The following ELAVL4 variants were observed in gnomAD, a reference collection of about 807,000 sequenced individuals.
ELAVL4 encodes ELAV like RNA binding protein 4, also known as ELAV-like protein 4.
Under a neutral mutation model 35.6 loss-of-function variants are expected in ELAVL4, and 1 was observed. That is an observed-to-expected ratio of 0.03 (90% confidence interval 0.01 to 0.13). ELAVL4 has a LOEUF of 0.13. Among genes scored for constraint, ELAVL4 ranks in the 10% least tolerant of loss-of-function variants. ELAVL4 has a pLI of 1.00. For missense variants in ELAVL4, 267 were observed against 464.9 expected (o/e 0.57, Z 3.91); for synonymous variants, 156 against 171.0 (o/e 0.91, Z 0.69).
At chr1:50,132,314 A>G (rs1404396577) in intron 1 of ELAVL4, among the ~76,000 whole-genome samples, 1 of 152,150 alleles carries the variant, frequency 6.6e-6, no homozygotes, top group Non-Finnish European at 1.5e-5. Context: ...GGGAAAATAA[A>G]TGGCTGTTGT....
At chr1:50,123,842 A>AG (rs1669443503) in intron 1 of ELAVL4, among the ~76,000 whole-genome samples, 2 of 152,090 alleles carry the variant, frequency 1.3e-5, no homozygotes, top group African/African-American at 4.8e-5. Context: ...TCACCCAGAA[A>AG]GGCTTGCCTT....
chr1:50,185,069 G>A (rs1427449686), intron 3 of ELAVL4, among the ~76,000 whole-genome samples: 1 of 152,182 alleles, frequency 6.6e-6, no homozygotes, highest in Non-Finnish European at 1.5e-5. Context: ...CACAGATAGA[G>A]AACATTTTCC....
chr1:50,067,772 C>G, intron 1 of ELAVL4, among the ~76,000 whole-genome samples: 1 of 152,154 alleles, frequency 6.6e-6, no homozygotes, highest in South Asian at 2.1e-4. Context: ...TTAATTGACT[C>G]ACAGTTCCAC....
intron 1 of ELAVL4, among the ~76,000 whole-genome samples, chr1:50,068,150 G>T (rs1664352459): frequency 6.6e-6 from 1 of 152,138 alleles, no homozygotes; most frequent in South Asian, 2.1e-4. Flanking sequence ...AATAAAGCAG[G>T]TTAAGGGGGA....
At chr1:50,170,321 G>T (rs575323109) in intron 2 of ELAVL4, among the ~76,000 whole-genome samples, 1 of 152,144 alleles carries the variant, frequency 6.6e-6, no homozygotes, top group African/African-American at 2.4e-5. Flanking sequence ...GCAGAAAGAC[G>T]CAAAGTAAGA....
chr1:50,107,817 G>A (rs889988134), upstream of ELAVL4, among the ~76,000 whole-genome samples: 5 of 152,144 alleles, frequency 3.3e-5, no homozygotes, highest in African/African-American at 1.2e-4. Flanking sequence ...ACCCAAACCA[G>A]AACAAAAAAT....
chr1:50,200,032 C>T (rs906211649), intron 6 of ELAVL4, among the ~76,000 whole-genome samples: 2 of 152,194 alleles, frequency 1.3e-5, no homozygotes, highest in African/African-American at 4.8e-5. Context: ...GCACAAACCA[C>T]TTGCAGTCTT....
Position 50,195,767 on chromosome 1 carries a change from C to T in ELAVL4, c.715C>T (p.His239Tyr), listed in dbSNP as rs1644017493. Residue 239 changes from histidine to tyrosine, a missense_variant, in exon 5 of 7, where the codon CAC (histidine) becomes TAC (tyrosine). Coordinates refer to ENST00000371824, the MANE Select transcript of ELAVL4 (RefSeq NM_001144774.3). ...CCGGCGCTACCCAGGTCCACTTCAC[C>T]ACCAGGCTCAGAGGTTCAGGTAGGC... is the stretch of plus-strand genomic sequence containing the variant. ...PNRRYPGPLH[H>Y]QAQRFRLDNL... The T allele has an allele frequency of 6.2e-7, 1 of 1,614,048 alleles. No homozygotes were observed. Among genetic ancestry groups the T allele is most frequent in the African/African-American group, 1.3e-5 (1 of 74,948 alleles).
chr1:50,191,316 T>C (rs1258044813), intron 3 of ELAVL4, among the ~76,000 whole-genome samples: 1 of 152,142 alleles, frequency 6.6e-6, no homozygotes. Flanking sequence ...TTTCAGTCCT[T>C]CCAGCCCCAG....
chr1:50,074,925 A>G (rs559994122), intron 1 of ELAVL4, among the ~76,000 whole-genome samples: 68 of 152,242 alleles, frequency 4.5e-4, no homozygotes, highest in Non-Finnish European at 9.0e-4. Flanking sequence ...ATAATCTAGT[A>G]TTTATGTTAT....
intron 1 of ELAVL4, among the ~76,000 whole-genome samples, chr1:50,087,637 G>A (rs1476056205): frequency 6.6e-6 from 1 of 152,178 alleles, no homozygotes; most frequent in East Asian, 1.9e-4. Flanking sequence ...TCTAGCTCTT[G>A]ATGTGACTGT....
chr1:50,060,627 G>C (rs1190219394), intron 1 of ELAVL4, among the ~76,000 whole-genome samples: 2 of 152,196 alleles, frequency 1.3e-5, no homozygotes, highest in South Asian at 4.1e-4. Flanking sequence ...TGGGTCCTCT[G>C]TTCTAACTAC....
At chr1:50,134,181 A>G (rs1033917917) in intron 1 of ELAVL4, among the ~76,000 whole-genome samples, 1 of 152,226 alleles carries the variant, frequency 6.6e-6, no homozygotes, top group Non-Finnish European at 1.5e-5. Context: ...TATGTGGAAT[A>G]GCACATTGCT....
chr1:50,190,603 C>T (rs1480956896), intron 3 of ELAVL4, among the ~76,000 whole-genome samples: 2 of 152,154 alleles, frequency 1.3e-5, no homozygotes, highest in Non-Finnish European at 2.9e-5. Context: ...TTGTTGCTGC[C>T]TTTGGGGATT....
chr1:50,088,389 A>G (rs1309933371), intron 1 of ELAVL4, among the ~76,000 whole-genome samples: 32 of 152,156 alleles, frequency 2.1e-4, no homozygotes, highest in South Asian at 2.1e-4. Context: ...ATTTGTGTAA[A>G]CCATCTGAAC....
chr1:50,167,074 GAA>G (rs1045888739), intron 2 of ELAVL4, among the ~76,000 whole-genome samples: 1 of 152,118 alleles, frequency 6.6e-6, no homozygotes, highest in African/African-American at 2.4e-5. Flanking sequence ...CTGGACCCAT[GAA>G]TCCTGGCTAT....
chr1:50,104,158 C>G (rs185605303), upstream of ELAVL4, among the ~76,000 whole-genome samples: 148 of 152,268 alleles, frequency 9.7e-4, no homozygotes, highest in African/African-American at 3.5e-3. Context: ...TAGTGGTTTT[C>G]TCTTCTCTCT....
intron 1 of ELAVL4, among the ~76,000 whole-genome samples, chr1:50,124,197 T>A (rs1463102982): frequency 4.6e-5 from 7 of 152,166 alleles, no homozygotes; most frequent in African/African-American, 1.7e-4. Flanking sequence ...AGATCTTGAG[T>A]ATATCTATTT....
intron 1 of ELAVL4, among the ~76,000 whole-genome samples, chr1:50,133,058 G>C (rs1004932831): frequency 4.6e-5 from 7 of 152,058 alleles, no homozygotes; most frequent in Admixed American, 1.3e-4. Context: ...GCAGAATACT[G>C]TATCAAAAAA....
Sources: gnomAD v4.1 joint callset for allele counts (sites outside exome capture counted in the v4.1 genomes callset) on GRCh38, gnomAD v4.1.1 for gene constraint, MANE v1.5 for transcripts, NCBI Gene and HGNC (gene_info 2026-07-23, HGNC 2026-07-21) for gene names.